Variants in POLR3B observed in about 807,000 individuals in gnomAD.
POLR3B encodes the protein DNA-directed RNA polymerase III subunit RPC2.
Under a neutral mutation model 147.4 loss-of-function variants are expected in POLR3B, and 96 were observed. That is an observed-to-expected ratio of 0.65 (90% confidence interval 0.55 to 0.77). The LOEUF (loss-of-function observed/expected upper bound fraction) is 0.77. Among genes scored for constraint, POLR3B ranks in the 30% least tolerant of loss-of-function variants. POLR3B has a pLI of 0.00. For missense variants in POLR3B, 1,036 were observed against 1,413.5 expected (o/e 0.73, Z 4.28); for synonymous variants, 461 against 485.9 (o/e 0.95, Z 0.67).
intron 22 of POLR3B, among the ~76,000 whole-genome samples, chr12:106,460,592 C>G (rs1351524264): frequency 6.6e-6 from 1 of 152,188 alleles, no homozygotes; most frequent in Non-Finnish European, 1.5e-5. Context: ...GGGGATGGGT[C>G]CAGACTCTAC....
chr12:106,428,917 T>A (rs2037471408), intron 13 of POLR3B, among the ~76,000 whole-genome samples: 1 of 152,210 alleles, frequency 6.6e-6, no homozygotes, highest in Admixed American at 6.5e-5. Flanking sequence ...GTTACATATT[T>A]TAATGCAAAC....
intron 11 of POLR3B, among the ~76,000 whole-genome samples, chr12:106,409,722 A>C (rs1593025277): frequency 1.3e-5 from 2 of 151,792 alleles, no homozygotes; most frequent in East Asian, 1.9e-4. Context: ...CATAGTGATA[A>C]ATTTTATAAA....
At position 106,480,901 on chromosome 12, in the gene POLR3B, G is replaced by A. The variant is rs149106118; in HGVS notation, c.2714-15154G>A. 6.7e-3 allele frequency among the ~76,000 whole-genome samples: 1,013 copies of A among 151,862 alleles called. 4 individuals are homozygous for A. Among genetic ancestry groups the A allele is most frequent in the Non-Finnish European group, 0.011 (749 of 67,946 alleles). On this transcript the variant is annotated intron_variant, in intron 23 of 27. Coordinates refer to ENST00000228347, the MANE Select transcript of POLR3B (RefSeq NM_018082.6). ...GATTGAAAGCTGGGAGGGGGGATGGGAAGCATGTGAGGGGAGGGCGTGTGG... is the reference window on the plus strand; with the variant it reads ...GATTGAAAGCTGGGAGGGGGGATGGAAAGCATGTGAGGGGAGGGCGTGTGG...
At chr12:106,474,541 G>A (rs2038137277) in intron 23 of POLR3B, among the ~76,000 whole-genome samples, 1 of 142,022 alleles carries the variant, frequency 7.0e-6, no homozygotes, top group Admixed American at 7.2e-5. Flanking sequence ...CACAATTTCA[G>A]CTCCTGTTAT....
chr12:106,432,114 C>T (rs1358398107), intron 14 of POLR3B, among the ~76,000 whole-genome samples: 1 of 152,066 alleles, frequency 6.6e-6, no homozygotes, highest in African/African-American at 2.4e-5. Context: ...TATTTTATAT[C>T]CTTGCTTGTT....
At position 106,488,895 on chromosome 12, in the gene POLR3B, C is replaced by T. The variant is rs115330791; in HGVS notation, c.2714-7160C>T. On this transcript the variant is annotated intron_variant, in intron 23 of 27. Coordinates refer to ENST00000228347, the MANE Select transcript of POLR3B (RefSeq NM_018082.6). ...AAATTATCTGACAGCCCAAGGAATTCTCAAGTTCCATTTCAGTGTTCAGGC... is the reference window on the plus strand; with the variant it reads ...AAATTATCTGACAGCCCAAGGAATTTTCAAGTTCCATTTCAGTGTTCAGGC... Among the ~76,000 whole-genome samples, 2 of 152,108 alleles carry T rather than the reference C, an allele frequency of 1.3e-5. 1 individual carries two copies. The highest frequency in any genetic ancestry group is 4.1e-4 in the South Asian group (2 of 4,828).
chr12:106,462,020 A>G (rs2037944237), intron 22 of POLR3B, among the ~76,000 whole-genome samples: 1 of 152,178 alleles, frequency 6.6e-6, no homozygotes, highest in African/African-American at 2.4e-5. Flanking sequence ...GGTAAATGGC[A>G]TCAGCTGCCA....
chr12:106,361,150 C>T (rs1224436463), intron 1 of POLR3B, among the ~76,000 whole-genome samples: 1 of 152,162 alleles, frequency 6.6e-6, no homozygotes, highest in Non-Finnish European at 1.5e-5. Context: ...GACATGTACA[C>T]TGGCTTTAGT....
At chr12:106,358,580 A>G (rs1219368038) in intron 1 of POLR3B, among the ~76,000 whole-genome samples, 1 of 152,154 alleles carries the variant, frequency 6.6e-6, no homozygotes, top group Non-Finnish European at 1.5e-5. Flanking sequence ...TTGTTATCTG[A>G]TAAGGCACAT....
intron 23 of POLR3B, among the ~76,000 whole-genome samples, chr12:106,486,287 CAAAAAAAAAAAAA>C (rs1195017160): frequency 4.6e-4 from 13 of 28,264 alleles, no homozygotes; most frequent in Admixed American, 3.5e-3. Flanking sequence ...GACTCCGTCT[CAAAAAAAAAAAAA>C]AAAAAAAAAA....
chr12:106,393,312 C>G (rs2036937328), intron 10 of POLR3B, among the ~76,000 whole-genome samples, 159 bp downstream of exon 10: 1 of 152,038 alleles, frequency 6.6e-6, no homozygotes. Context: ...TCACTTTCGT[C>G]AGGTTTGGAG....
chr12:106,439,463 G>T (rs536713156), intron 18 of POLR3B, among the ~76,000 whole-genome samples: 2 of 152,034 alleles, frequency 1.3e-5, no homozygotes, highest in East Asian at 3.9e-4. Flanking sequence ...TGGGTAACAT[G>T]GCAAGACCCC....
chr12:106,500,323 A>G (rs1401075600), intron 25 of POLR3B: 2 of 368,492 alleles, frequency 5.4e-6, no homozygotes, highest in Non-Finnish European at 1.1e-5. Context: ...AACTCTTACT[A>G]CAGACTTTCT....
chr12:106,424,283 C>A (rs1451484727), intron 12 of POLR3B, among the ~76,000 whole-genome samples: 2 of 152,174 alleles, frequency 1.3e-5, no homozygotes, highest in East Asian at 3.8e-4. Context: ...TAGAACACTT[C>A]ATGGGTGGTG....
intron 12 of POLR3B, among the ~76,000 whole-genome samples, chr12:106,425,340 C>A (rs1393999998): frequency 1.3e-5 from 2 of 152,166 alleles, no homozygotes; most frequent in Non-Finnish European, 1.5e-5. Flanking sequence ...GGCATTGCAC[C>A]TTTTCCTGGA....
intron 10 of POLR3B, among the ~76,000 whole-genome samples, chr12:106,396,705 A>T (rs186442278): frequency 9.8e-5 from 15 of 152,330 alleles, no homozygotes; most frequent in African/African-American, 3.6e-4. Flanking sequence ...TGAAAAAGGA[A>T]TTCCCCAAGC....
intron 9 of POLR3B, among the ~76,000 whole-genome samples, chr12:106,386,803 A>C (rs577504121): frequency 1.3e-5 from 2 of 152,030 alleles, no homozygotes; most frequent in Admixed American, 1.3e-4. Context: ...GCTACTCAGG[A>C]GGCTGAGGCA....
At chr12:106,463,807 G>A (rs991214675) in intron 23 of POLR3B, among the ~76,000 whole-genome samples, 187 bp downstream of exon 23, 12 of 152,236 alleles carry the variant, frequency 7.9e-5, no homozygotes, top group Admixed American at 5.9e-4. Context: ...ATACATGGTA[G>A]ACTTGCTCCT....
intron 23 of POLR3B, among the ~76,000 whole-genome samples, chr12:106,479,670 A>C (rs904914727): frequency 2.3e-4 from 35 of 152,208 alleles, no homozygotes; most frequent in Non-Finnish European, 4.4e-4. Context: ...GGCGTGAGCC[A>C]GCGCACCCAG....
Sources: allele counts gnomAD v4.1 joint callset (sites outside exome capture counted in the v4.1 genomes callset), GRCh38; gene constraint gnomAD v4.1.1; transcripts MANE v1.5; gene names NCBI Gene and HGNC (gene_info 2026-07-23, HGNC 2026-07-21).